NELL2: variants seen among roughly 807,000 people sequenced by gnomAD.
NELL2 encodes protein kinase C-binding protein NELL2.
In NELL2, 41 loss-of-function variants were observed where a neutral mutation model predicts 109.6. The observed-to-expected ratio is 0.37, with a 90% CI of 0.29 to 0.49. The LOEUF (loss-of-function observed/expected upper bound fraction) is 0.49, where lower values mean the gene tolerates loss of function less well. Among genes scored for constraint, NELL2 ranks in the 20% least tolerant of loss-of-function variants. The probability of loss-of-function intolerance (pLI) is 0.98; values close to 1 mark genes in which losing one functional copy is unlikely to be tolerated. For synonymous variants in NELL2, 355 were observed against 344.7 expected (o/e 1.03, Z -0.33); for missense variants, 900 against 1,008.3 (o/e 0.89, Z 1.45).
intron 3 of NELL2, among the ~76,000 whole-genome samples, chr12:44,783,225 C>A (rs1188876998): frequency 6.7e-6 from 1 of 148,302 alleles, no homozygotes; most frequent in Non-Finnish European, 1.5e-5. Context: ...GCCAAAAAAA[C>A]AGGTAAAGCA....
chr12:44,810,570 C>G (rs1943141302), intron 3 of NELL2, among the ~76,000 whole-genome samples: 1 of 152,074 alleles, frequency 6.6e-6, no homozygotes, highest in Non-Finnish European at 1.5e-5. Flanking sequence ...TTTGTAGCAT[C>G]TGCTGATTTC....
rs181040635 is a variant in NELL2 at position 44,833,827 on chromosome 12, A to G, written c.185-17691T>C. ...GTCCTGGGAGGCACAGTCCATACTA[A>G]TTACCAGGTCGGTCCAACTATCTCA... On this transcript the variant is annotated intron_variant, in intron 2 of 19. Transcript: ENST00000429094. Among the ~76,000 whole-genome samples the G allele has an allele frequency of 2.6e-5, 4 of 152,180 alleles. No homozygotes were observed. The East Asian group carries it at 7.7e-4, about 29-fold the overall frequency.
At chr12:44,856,463 A>G (rs1944686334) in intron 2 of NELL2, among the ~76,000 whole-genome samples, 1 of 152,222 alleles carries the variant, frequency 6.6e-6, no homozygotes, top group Admixed American at 6.5e-5. Context: ...TTTGGGAGGT[A>G]AAAGACAAGT....
At chr12:44,609,419 T>TGTC in intron 14 of NELL2, among the ~76,000 whole-genome samples, 1 of 152,078 alleles carries the variant, frequency 6.6e-6, no homozygotes, top group Admixed American at 6.6e-5. Flanking sequence ...AGAGATCTCA[T>TGTC]CATGCTACTC....
chr12:44,663,448 TA>T (rs1358805642), intron 13 of NELL2, among the ~76,000 whole-genome samples: 5 of 152,308 alleles, frequency 3.3e-5, no homozygotes, highest in African/African-American at 1.2e-4. Flanking sequence ...AGTGCCTCAT[TA>T]AAGAAATACA....
At chr12:44,642,846 C>T (rs910070539) in intron 13 of NELL2, among the ~76,000 whole-genome samples, 1 of 152,138 alleles carries the variant, frequency 6.6e-6, no homozygotes, top group Non-Finnish European at 1.5e-5. Context: ...CACGCCACTG[C>T]ACTTCAGTCT....
intron 15 of NELL2, among the ~76,000 whole-genome samples, chr12:44,565,184 T>A (rs936756291): frequency 6.6e-6 from 1 of 152,128 alleles, no homozygotes. Flanking sequence ...CTTCCTCAGA[T>A]CTGTGAAGCA....
intron 16 of NELL2, among the ~76,000 whole-genome samples, chr12:44,526,833 T>G (rs1326473020): frequency 6.6e-6 from 1 of 152,206 alleles, no homozygotes; most frequent in Non-Finnish European, 1.5e-5. Flanking sequence ...GGCTGTTCAG[T>G]AAGTAGTTGG....
At chr12:44,801,176 T>A (rs1199521854) in intron 3 of NELL2, among the ~76,000 whole-genome samples, 1 of 152,136 alleles carries the variant, frequency 6.6e-6, no homozygotes, top group Non-Finnish European at 1.5e-5. Context: ...CATTAACTTT[T>A]TATGGAGAGG....
chr12:44,744,490 C>A (rs1314244215), intron 9 of NELL2, among the ~76,000 whole-genome samples: 1 of 151,962 alleles, frequency 6.6e-6, no homozygotes, highest in Non-Finnish European at 1.5e-5. Context: ...AAAAACCCTT[C>A]AAAAAATTAA....
intron 15 of NELL2, among the ~76,000 whole-genome samples, chr12:44,565,407 A>C (rs1301599714): frequency 6.6e-6 from 1 of 152,222 alleles, no homozygotes; most frequent in East Asian, 1.9e-4. Context: ...AATGTGAAAT[A>C]CGTGCATCTT....
intron 12 of NELL2, among the ~76,000 whole-genome samples, chr12:44,690,391 G>T (rs1367121618): frequency 2.0e-5 from 3 of 152,118 alleles, no homozygotes; most frequent in Non-Finnish European, 2.9e-5. Context: ...TGTATGCACA[G>T]AAATCACCTG....
chr12:44,867,596 T>C (rs1945037422), intron 2 of NELL2, among the ~76,000 whole-genome samples: 1 of 152,202 alleles, frequency 6.6e-6, no homozygotes, highest in Non-Finnish European at 1.5e-5. Flanking sequence ...TTGCCACTTC[T>C]ATTCAACATA....
chr12:44,726,596 G>C (rs1413173925), intron 9 of NELL2, among the ~76,000 whole-genome samples: 1 of 152,134 alleles, frequency 6.6e-6, no homozygotes, highest in Non-Finnish European at 1.5e-5. Context: ...CATAAAGGTA[G>C]AGTTTAGATG....
At chr12:44,712,144 A>G (rs1766351442) in intron 10 of NELL2, among the ~76,000 whole-genome samples, 1 of 152,064 alleles carries the variant, frequency 6.6e-6, no homozygotes. Flanking sequence ...AGGATCATTA[A>G]CTATGTTATA....
chr12:44,687,771 C>G (rs1008399645), intron 12 of NELL2, among the ~76,000 whole-genome samples: 3 of 152,170 alleles, frequency 2.0e-5, no homozygotes, highest in Non-Finnish European at 4.4e-5. Context: ...TGACCTTAAA[C>G]TTAATGAAGT....
chr12:44,550,815 C>A (rs1943018966), intron 15 of NELL2, among the ~76,000 whole-genome samples: 1 of 152,016 alleles, frequency 6.6e-6, no homozygotes, highest in Non-Finnish European at 1.5e-5. Context: ...TCTAAAACAG[C>A]CAAACTCATA....
intron 9 of NELL2, among the ~76,000 whole-genome samples, chr12:44,745,997 C>T (rs1214044036): frequency 6.6e-6 from 1 of 152,112 alleles, no homozygotes; most frequent in East Asian, 1.9e-4. Flanking sequence ...CAAGTCAATC[C>T]TAAGCCAAAA....
intron 13 of NELL2, among the ~76,000 whole-genome samples, chr12:44,652,693 T>C (rs1483348435): frequency 6.6e-6 from 1 of 152,252 alleles, no homozygotes; most frequent in South Asian, 2.1e-4. Flanking sequence ...TAGTTTTCTA[T>C]TGTTGCCATA....
Sources: allele counts gnomAD v4.1 joint callset (sites outside exome capture counted in the v4.1 genomes callset), GRCh38; gene constraint gnomAD v4.1.1; transcripts MANE v1.5; gene names NCBI Gene and HGNC (gene_info 2026-07-23, HGNC 2026-07-21).